The following XYLB variants were observed in gnomAD, a reference collection of about 807,000 sequenced individuals.
The protein encoded by XYLB is xylulokinase, also known as xylulose kinase.
In XYLB, 62 loss-of-function variants were observed where a neutral mutation model predicts 78.7. The ratio of observed to expected loss-of-function variants is 0.79; its 90% CI spans 0.64 to 0.97. The LOEUF is 0.97. Ranked by LOEUF, XYLB falls within the 50% of genes least tolerant of loss-of-function variation. The pLI is 0.00. For missense variants in XYLB, 687 were observed against 676.8 expected (o/e 1.02, Z -0.17); for synonymous variants, 245 against 247.4 (o/e 0.99, Z 0.09).
chr3:38,385,255 C>G (rs1707332066), intron 15 of XYLB, among the ~76,000 whole-genome samples: 1 of 152,106 alleles, frequency 6.6e-6, no homozygotes, highest in Non-Finnish European at 1.5e-5. Flanking sequence ...TCATCTTGGC[C>G]TCCAAAGTGC....
chr3:38,380,586 C>G (rs754246154), intron 15 of XYLB, among the ~76,000 whole-genome samples: 1 of 152,106 alleles, frequency 6.6e-6, no homozygotes, highest in Non-Finnish European at 1.5e-5. Flanking sequence ...TAAAAGGATA[C>G]TATAAAAATA....
At chr3:38,404,198 G>GC (rs1238202937) in intron 18 of XYLB, among the ~76,000 whole-genome samples, 13 of 152,134 alleles carry the variant, frequency 8.5e-5, no homozygotes, top group Non-Finnish European at 2.9e-5. Context: ...ACAACCTTAG[G>GC]CCCCTCGCCT....
chr3:38,447,523 G>T, the XYLB span, among the ~76,000 whole-genome samples: 2 of 130,694 alleles, frequency 1.5e-5, no homozygotes, highest in Non-Finnish European at 3.1e-5. Flanking sequence ...TCCCTATGTT[G>T]GTCCAGGATG....
rs374510757 is a variant in XYLB at position 38,383,727 on chromosome 3, A to G, written c.1291+4385A>G. Among the ~76,000 whole-genome samples the G allele has an allele frequency of 7.2e-4, 110 of 152,310 alleles. 3 individuals are homozygous for G. The South Asian group carries it at 0.022, about 30-fold the overall frequency. On this transcript the variant is annotated intron_variant, in intron 15 of 18. Coordinates refer to ENST00000207870, the MANE Select transcript of XYLB (RefSeq NM_005108.4). ...GGGATCGCTGGAGCCTGGGAGGTCA[A>G]GGCTGCAATGAGCTGTGATTGCACC...
intron 18 of XYLB, among the ~76,000 whole-genome samples, chr3:38,411,984 C>CTTTT (rs5848424): frequency 5.8e-5 from 8 of 138,196 alleles, no homozygotes; most frequent in African/African-American, 7.9e-5. Flanking sequence ...GATCTCAACT[C>CTTTT]TTTTTTTTTT....
Position 38,378,979 on chromosome 3 carries a change from A to G in XYLB, c.1195-267A>G, listed in dbSNP as rs118049856. On this transcript the variant is annotated intron_variant, in intron 14 of 18. Coordinates refer to ENST00000207870, the MANE Select transcript of XYLB (RefSeq NM_005108.4). The stretch of plus-strand genomic sequence containing the variant: ...GATTGCAGAGCTGAATGGTAGACAG[A>G]ACTTGAACTCTCAGCTGCCTGAGAC... 5.9e-5 allele frequency among the ~76,000 whole-genome samples: 9 copies of G among 152,070 alleles called. No homozygotes were observed. In the East Asian group the frequency reaches 1.5e-3, roughly 26 times the overall value.
the XYLB span, among the ~76,000 whole-genome samples, chr3:38,442,720 ATTTTTTTT>A: frequency 1.0e-5 from 1 of 99,196 alleles, no homozygotes; most frequent in East Asian, 2.9e-4. Flanking sequence ...GGACTGCTGC[ATTTTTTTT>A]TTTTTTTTTT....
intron 15 of XYLB, among the ~76,000 whole-genome samples, chr3:38,387,643 A>G (rs886332227): frequency 3.3e-5 from 5 of 152,214 alleles, no homozygotes; most frequent in Non-Finnish European, 5.9e-5. Context: ...AAGTGCTGGG[A>G]TTACAGGCAT....
At chr3:38,439,346 C>T in the XYLB span, among the ~76,000 whole-genome samples, 5 of 152,130 alleles carry the variant, frequency 3.3e-5, no homozygotes, top group East Asian at 5.8e-4. Context: ...CTCGATCCTA[C>T]AGGAACCAAA....
downstream of XYLB, chr3:38,415,101 C>T (rs890439690): frequency 2.0e-5 from 3 of 152,176 alleles, no homozygotes; most frequent in African/African-American, 7.2e-5. Context: ...AGAAAAAGAA[C>T]TATGTAAGCC....
At chr3:38,360,287 A>C in intron 2 of XYLB, 52 bp from the exon 3 acceptor site, 1 of 1,548,162 alleles carries the variant, frequency 6.5e-7, no homozygotes, top group Non-Finnish European at 8.9e-7. Flanking sequence ...CTGGCTTTGC[A>C]ATGGTCTGCC....
At chr3:38,410,723 C>G (rs1467064844) in intron 18 of XYLB, among the ~76,000 whole-genome samples, 2 of 151,970 alleles carry the variant, frequency 1.3e-5, no homozygotes, top group Non-Finnish European at 2.9e-5. Context: ...GGGTGAAGGA[C>G]ATGAACAGAC....
chr3:38,409,624 A>G (rs924009910), intron 18 of XYLB, among the ~76,000 whole-genome samples: 4 of 152,226 alleles, frequency 2.6e-5, no homozygotes, highest in Admixed American at 1.3e-4. Flanking sequence ...ACATGATTGT[A>G]TATCTAGAAA....
chr3:38,374,523 C>A, intron 11 of XYLB, 21 bp downstream of exon 11: 1 of 1,613,558 alleles, frequency 6.2e-7, no homozygotes, highest in South Asian at 1.1e-5. Flanking sequence ...TTCCCACACC[C>A]ATAGGCTCTT....
intron 13 of XYLB, 74 bp from the exon 14 acceptor site, chr3:38,376,844 T>C: frequency 1.5e-6 from 2 of 1,363,902 alleles, no homozygotes; most frequent in Non-Finnish European, 1.0e-6. Flanking sequence ...TTTTGTCCTG[T>C]TCTAAGTCTG....
intron 2 of XYLB, among the ~76,000 whole-genome samples, chr3:38,350,086 C>A (rs563060073): frequency 6.6e-6 from 1 of 152,300 alleles, no homozygotes; most frequent in African/African-American, 2.4e-5. Flanking sequence ...GAGGCACCCT[C>A]GTGAGGGCCT....
chr3:38,360,879 C>CA (rs1323466352), intron 3 of XYLB, among the ~76,000 whole-genome samples: 2 of 152,004 alleles, frequency 1.3e-5, no homozygotes, highest in Admixed American at 1.3e-4. Flanking sequence ...ACTAAAAATA[C>CA]AAAAAATTAG....
chr3:38,409,137 A>G (rs927944194), intron 18 of XYLB, among the ~76,000 whole-genome samples: 1 of 152,240 alleles, frequency 6.6e-6, no homozygotes, highest in Non-Finnish European at 1.5e-5. Flanking sequence ...AAAACCCTCA[A>G]TAAAATACTG....
chr3:38,437,034 A>AT, the XYLB span, among the ~76,000 whole-genome samples: 4 of 147,248 alleles, frequency 2.7e-5, no homozygotes, highest in African/African-American at 9.9e-5. Flanking sequence ...AATAATAATA[A>AT]TAATAATAAT....
Sources: gnomAD v4.1 joint callset for allele counts (sites outside exome capture counted in the v4.1 genomes callset) on GRCh38, gnomAD v4.1.1 for gene constraint, MANE v1.5 for transcripts, NCBI Gene and HGNC (gene_info 2026-07-23, HGNC 2026-07-21) for gene names.